The following FUT8 variants were observed in gnomAD, a reference collection of about 807,000 sequenced individuals.
FUT8 encodes the protein fucosyltransferase 8.
Under a neutral mutation model 71.3 loss-of-function variants are expected in FUT8, and 29 were observed. The ratio of observed to expected loss-of-function variants is 0.41; its 90% CI spans 0.30 to 0.55. The LOEUF (loss-of-function observed/expected upper bound fraction) is 0.55, where lower values mean the gene tolerates loss of function less well. Ranked by LOEUF, FUT8 falls within the 20% of genes least tolerant of loss-of-function variation. The pLI is 0.34. For synonymous variants in FUT8, 254 were observed against 239.3 expected, an observed-to-expected ratio of 1.06 and a Z score of -0.57; for missense variants, 544 against 702.1, an observed-to-expected ratio of 0.77 and a Z score of 2.55.
chr14:65,402,348 G>T, the FUT8 span, among the ~76,000 whole-genome samples: 1 of 151,090 alleles, frequency 6.6e-6, no homozygotes, highest in Non-Finnish European at 1.5e-5. Flanking sequence ...CCACAGGCAT[G>T]CACCATCATG....
intron 3 of FUT8, among the ~76,000 whole-genome samples, chr14:65,605,043 A>G (rs1236814446): frequency 1.3e-5 from 2 of 151,956 alleles, no homozygotes; most frequent in Non-Finnish European, 2.9e-5. Flanking sequence ...ATTATTCATG[A>G]TTGATACTTG....
chr14:65,530,055 G>C (rs550721671), intron 2 of FUT8, among the ~76,000 whole-genome samples: 1 of 152,232 alleles, frequency 6.6e-6, no homozygotes, highest in Non-Finnish European at 1.5e-5. Context: ...ATGTAGATTA[G>C]TATTGATATT....
intron 3 of FUT8, among the ~76,000 whole-genome samples, chr14:65,583,172 TTTTTC>T (rs1887181203): frequency 6.6e-6 from 1 of 152,154 alleles, no homozygotes; most frequent in Non-Finnish European, 1.5e-5. Flanking sequence ...GTTTTATTTC[TTTTTC>T]TTTTGTTTTT....
At chr14:65,714,419 TTTTATTTATTTATTTA>T (rs55846929) in intron 7 of FUT8, among the ~76,000 whole-genome samples, 31 of 145,406 alleles carry the variant, frequency 2.1e-4, no homozygotes, top group Admixed American at 3.4e-4. Context: ...TCCATATAAA[TTTTATTTATTTATTTA>T]TTTATTTATT....
intron 1 of FUT8, among the ~76,000 whole-genome samples, chr14:65,437,431 A>G (rs1439003812): frequency 6.6e-6 from 1 of 152,152 alleles, no homozygotes; most frequent in Non-Finnish European, 1.5e-5. Context: ...GGGCTATACT[A>G]TTATATTTTC....
intron 2 of FUT8, among the ~76,000 whole-genome samples, chr14:65,476,912 C>T (rs2066254922): frequency 6.6e-6 from 1 of 152,116 alleles, no homozygotes; most frequent in Non-Finnish European, 1.5e-5. Flanking sequence ...GCATAAACTT[C>T]AGCAACTTCT....
chr14:65,695,891 T>C (rs534334128), intron 7 of FUT8, among the ~76,000 whole-genome samples: 2 of 152,260 alleles, frequency 1.3e-5, no homozygotes, highest in East Asian at 3.9e-4. Context: ...TATTATGTCT[T>C]AGCATATCAG....
At chr14:65,443,251 A>G (rs2065688064) in intron 1 of FUT8, among the ~76,000 whole-genome samples, 2 of 152,000 alleles carry the variant, frequency 1.3e-5, no homozygotes, top group South Asian at 4.2e-4. Context: ...TCTACTAAAA[A>G]TACAAAAAAT....
upstream of FUT8, chr14:65,411,894 C>T (rs779335082): frequency 3.7e-5 from 14 of 375,566 alleles, no homozygotes; most frequent in African/African-American, 8.5e-5. Flanking sequence ...GCGGCGCGCT[C>T]CGGTCCTCCC....
In FUT8 at chr14:65,627,459, G is replaced by A. The variant is rs771517936; in HGVS notation, c.483-2033G>A. ...TACACTTGTAAGAGGCCAAGCGGGC[G>A]ACTTGAGAGGGTCAAGTGTGCTGTC... is the stretch of plus-strand genomic sequence containing the variant. On this transcript the variant is annotated intron_variant, in intron 5 of 10. Transcript: ENST00000673929. This position sits in a 1 kb window ranked among gnomAD's most constrained non-coding sequence, Gnocchi z 4.0. Among the ~76,000 whole-genome samples, 9 of 152,208 alleles carry A rather than the reference G, an allele frequency of 5.9e-5. No homozygotes were observed. The highest frequency in any genetic ancestry group is 2.1e-4 in the South Asian group (1 of 4,832).
chr14:65,388,599 T>A, the FUT8 span, among the ~76,000 whole-genome samples: 2 of 151,912 alleles, frequency 1.3e-5, no homozygotes, highest in Non-Finnish European at 2.9e-5. Flanking sequence ...CCGTCTCTGC[T>A]AAAATACAAA....
the FUT8 span, among the ~76,000 whole-genome samples, chr14:65,383,265 C>CTTTTTTTTTTTT: frequency 4.2e-4 from 36 of 86,518 alleles, no homozygotes; most frequent in African/African-American, 9.7e-4. Context: ...TTTTTCTTTT[C>CTTTTTTTTTTTT]TTTTTTTTTT....
intron 3 of FUT8, among the ~76,000 whole-genome samples, chr14:65,570,496 C>T (rs982566146): frequency 6.6e-6 from 1 of 151,706 alleles, no homozygotes; most frequent in African/African-American, 2.4e-5. Context: ...CTGTATTCTA[C>T]TTATAACTAC....
At chr14:65,405,084 C>T in the FUT8 span, among the ~76,000 whole-genome samples, 1 of 152,202 alleles carries the variant, frequency 6.6e-6, no homozygotes, top group Admixed American at 6.5e-5. Context: ...AGCTATCCTC[C>T]TCATGGTCCA....
chr14:65,425,663 TTGTG>T (rs1218852077), intron 1 of FUT8, among the ~76,000 whole-genome samples: 2 of 152,046 alleles, frequency 1.3e-5, no homozygotes, highest in Non-Finnish European at 2.9e-5. Context: ...TTTTGTGTGT[TTGTG>T]TGGTGAGAAC....
chr14:65,566,361 C>T (rs1886194066), intron 3 of FUT8, among the ~76,000 whole-genome samples: 1 of 151,996 alleles, frequency 6.6e-6, no homozygotes. Flanking sequence ...ATAGATACTG[C>T]ATCTTGGTTG....
the FUT8 span, among the ~76,000 whole-genome samples, chr14:65,398,572 A>G: frequency 4.6e-5 from 7 of 151,938 alleles, no homozygotes; most frequent in South Asian, 2.1e-4. Context: ...CATCTTTACT[A>G]AAAATACAAA....
At chr14:65,589,016 C>T (rs150404823) in intron 3 of FUT8, among the ~76,000 whole-genome samples, 9 of 152,192 alleles carry the variant, frequency 5.9e-5, no homozygotes, top group African/African-American at 1.7e-4. Flanking sequence ...TTTTTCTTGT[C>T]GCTCTCAATC....
At chr14:65,466,733 G>C (rs1284653399) in intron 2 of FUT8, among the ~76,000 whole-genome samples, 2 of 151,922 alleles carry the variant, frequency 1.3e-5, no homozygotes, top group Non-Finnish European at 2.9e-5. Context: ...CTGGGCGACA[G>C]AGCAAGACTG....
Sources: allele counts gnomAD v4.1 joint callset (sites outside exome capture counted in the v4.1 genomes callset), GRCh38; gene constraint gnomAD v4.1.1; non-coding constraint Gnocchi (gnomAD v3.1); transcripts MANE v1.5; gene names NCBI Gene and HGNC (gene_info 2026-07-23, HGNC 2026-07-21).